GNG7: variants seen among roughly 807,000 people sequenced by gnomAD.
GNG7 encodes the protein guanine nucleotide-binding protein G(I)/G(S)/G(O) subunit gamma-7.
GNG7 carries 1 observed loss-of-function variant against 4.0 expected under a neutral mutation model. That is an observed-to-expected ratio of 0.25 (90% CI 0.09 to 1.18). GNG7 has a LOEUF of 1.18. Ranked by LOEUF, GNG7 falls within the 50% of genes most tolerant of loss-of-function variation. The probability of loss-of-function intolerance (pLI) is 0.50; values close to 1 mark genes in which losing one functional copy is unlikely to be tolerated. For synonymous variants in GNG7, 34 were observed against 36.9 expected (o/e 0.92, Z 0.29); for missense variants, 86 against 91.9 (o/e 0.94, Z 0.26).
At chr19:2,651,282 CTCCA>C (rs1238409578) in intron 1 of GNG7, among the ~76,000 whole-genome samples, 57 of 98,488 alleles carry the variant, frequency 5.8e-4, no homozygotes, top group African/African-American at 2.2e-3. Context: ...CCCTCCCTCC[CTCCA>C]TCCCTCCCTC....
rs993346094 is a variant in GNG7 at position 2,511,452 on chromosome 19, G to A, written c.*3570C>T. 5.2e-5 allele frequency: 8 copies of A among 152,488 alleles called. No individual in the cohort carries two copies. Among genetic ancestry groups the A allele is most frequent in the African/African-American group, 1.9e-4 (8 of 41,472 alleles). 9.4% of individuals were successfully genotyped at this position (152,488 alleles called of 1,614,324 possible). A position where few individuals can be genotyped will look rare whatever the true frequency, so the allele number is the denominator to read the frequency against. On this transcript the variant is annotated 3_prime_UTR_variant, in exon 5 of 5. Transcript: ENST00000382159. This position sits in a 1 kb window ranked among gnomAD's most constrained non-coding sequence, Gnocchi z 6.3. ...AAGGTTAGATGGGCAGCGGTTCCGT[G>A]GACAGAGGAGGAGGCGCGGCTGGCC...
intron 2 of GNG7, among the ~76,000 whole-genome samples, chr19:2,628,271 A>C (rs572044226): frequency 3.9e-5 from 6 of 152,240 alleles, no homozygotes; most frequent in African/African-American, 1.4e-4. Flanking sequence ...CCGAGTTGTC[A>C]TCTGGAATTT....
intron 3 of GNG7, among the ~76,000 whole-genome samples, chr19:2,553,654 T>C (rs115944799): frequency 3.7e-4 from 31 of 83,330 alleles, no homozygotes; most frequent in East Asian, 1.4e-3. Context: ...TTATATTACA[T>C]ACATGCACAC....
chr19:2,698,690 C>T (rs946108366), intron 1 of GNG7, among the ~76,000 whole-genome samples: 5 of 152,138 alleles, frequency 3.3e-5, no homozygotes, highest in Admixed American at 6.6e-5. Flanking sequence ...ACTCTGGATA[C>T]GATTTTAAAG....
At chr19:2,543,221 CTTT>C (rs34642408) in intron 3 of GNG7, among the ~76,000 whole-genome samples, 21 of 121,636 alleles carry the variant, frequency 1.7e-4, no homozygotes, top group Admixed American at 1.7e-4. Context: ...GCCTGGCCTC[CTTT>C]TTTTTTTTTT....
At chr19:2,665,361 T>TGC (rs796484852) in intron 1 of GNG7, among the ~76,000 whole-genome samples, 35 of 132,852 alleles carry the variant, frequency 2.6e-4, no homozygotes, top group African/African-American at 1.0e-3. Context: ...CAGTGTCCCC[T>TGC]GGGGGGGGGG....
At chr19:2,539,951 GCCTTCCTT>G (rs377046191) in intron 3 of GNG7, among the ~76,000 whole-genome samples, 1 of 113,016 alleles carries the variant, frequency 8.8e-6, no homozygotes, top group Non-Finnish European at 1.7e-5. Flanking sequence ...TCTCCTTCCT[GCCTTCCTT>G]CCTTCCTCCC....
In GNG7 at chr19:2,617,298, C is replaced by T. The variant is rs1194651890; in HGVS notation, c.-78+28926G>A. ...CCCACTTAAGAACCGCTGGCCTGGA[C>T]CAGAAACTGGATCTTTCAGGGAGGC... On this transcript the variant is annotated intron_variant, in intron 2 of 4. Transcript: ENST00000382159. The surrounding 1 kb of genome is among the most constrained non-coding windows in gnomAD (Gnocchi z 4.7). Among the ~76,000 whole-genome samples, 1 of 152,140 alleles carries T rather than the reference C, an allele frequency of 6.6e-6. No homozygotes were observed. The highest frequency in any genetic ancestry group is 6.5e-5 in the Admixed American group (1 of 15,270).
rs150323897 is a variant in GNG7 at position 2,635,613 on chromosome 19, C to T, written c.-78+10611G>A. Among the ~76,000 whole-genome samples, 19 of 149,422 alleles carry T rather than the reference C, an allele frequency of 1.3e-4. No individual in the cohort carries two copies. The East Asian group carries it at 2.6e-3, about 20-fold the overall frequency. ...TTTTTTTTTTTTTGAGACGGAGTCT[C>T]GCTGTATTGCCCAGGCTGTAGTGCA... On this transcript the variant is annotated intron_variant, in intron 2 of 4. Transcript: ENST00000382159.
intron 3 of GNG7, among the ~76,000 whole-genome samples, chr19:2,532,173 A>AC (rs1568233725): frequency 6.9e-6 from 1 of 145,308 alleles, no homozygotes; most frequent in Non-Finnish European, 1.5e-5. Flanking sequence ...AAAAAAAAAA[A>AC]CAAAAACCAG....
intron 2 of GNG7, among the ~76,000 whole-genome samples, chr19:2,575,772 C>T (rs1980306600): frequency 7.7e-6 from 1 of 130,418 alleles, no homozygotes; most frequent in Non-Finnish European, 1.6e-5. Context: ...CAGGCACACG[C>T]AGGCACATGC....
intron 2 of GNG7, among the ~76,000 whole-genome samples, chr19:2,577,510 G>C (rs1980376837): frequency 6.6e-6 from 1 of 151,990 alleles, no homozygotes; most frequent in African/African-American, 2.4e-5. Context: ...CCAGGAACCA[G>C]CAGGGGAGTG....
chr19:2,603,479 T>C (rs772521295), intron 2 of GNG7, among the ~76,000 whole-genome samples: 5 of 152,190 alleles, frequency 3.3e-5, no homozygotes, highest in Non-Finnish European at 5.9e-5. Context: ...GAGACCGCGG[T>C]GGCTCTCTGG....
chr19:2,648,044 A>AT (rs1165054738), intron 1 of GNG7, among the ~76,000 whole-genome samples: 1 of 150,950 alleles, frequency 6.6e-6, no homozygotes, highest in East Asian at 1.9e-4. Context: ...AAAAAAAAAA[A>AT]AAAAAGCCAC....
intron 1 of GNG7, among the ~76,000 whole-genome samples, chr19:2,680,108 T>G (rs971977885): frequency 6.6e-6 from 1 of 150,960 alleles, no homozygotes; most frequent in Non-Finnish European, 1.5e-5. Context: ...AGCCCAGGAG[T>G]TCGAGCAGCC....
At chr19:2,673,288 C>A (rs58646457) in intron 1 of GNG7, among the ~76,000 whole-genome samples, 18,445 of 135,412 alleles carry the variant, frequency 0.14, 2,155 homozygotes, top group East Asian at 0.47. Flanking sequence ...CAAAACAAAA[C>A]AAAAAAAAAC....
intron 3 of GNG7, among the ~76,000 whole-genome samples, chr19:2,545,896 G>A (rs988879643): frequency 1.3e-4 from 19 of 151,776 alleles, no homozygotes; most frequent in South Asian, 4.1e-4. Flanking sequence ...TAAAGGTTGC[G>A]GTGAGCCAAA....
chr19:2,511,628 C>G lies in GNG7; in HGVS notation c.*3394G>C, dbSNP rs1972657261. 1 of 223,752 alleles carries G rather than the reference C, an allele frequency of 4.5e-6. No individual in the cohort carries two copies. The highest frequency in any genetic ancestry group is 2.3e-5 in the African/African-American group (1 of 42,822). The allele number at this position is 223,752 out of a possible 1,614,324, so 13.9% of individuals were successfully genotyped here. On this transcript the variant is annotated 3_prime_UTR_variant, in exon 5 of 5. Transcript: ENST00000382159. The surrounding 1 kb of genome is among the most constrained non-coding windows in gnomAD (Gnocchi z 6.3). ...CAGGTGTGTGACGGCCCTCTCCTAC[C>G]TGCCCCAGAACTTGGGCAGGACGGG...
intron 1 of GNG7, among the ~76,000 whole-genome samples, chr19:2,660,504 C>T (rs1983117659): frequency 6.6e-6 from 1 of 152,168 alleles, no homozygotes. Flanking sequence ...GGTGTGGTGG[C>T]TCACGCCTGT....
Sources: allele counts gnomAD v4.1 joint callset (sites outside exome capture counted in the v4.1 genomes callset), GRCh38; gene constraint gnomAD v4.1.1; non-coding constraint Gnocchi (gnomAD v3.1); transcripts MANE v1.5; gene names NCBI Gene and HGNC (gene_info 2026-07-23, HGNC 2026-07-21).